The following ADRA1B variants were observed in gnomAD, a reference collection of about 807,000 sequenced individuals.
ADRA1B encodes the protein adrenoceptor alpha 1B.
A neutral mutation model predicts 17.9 loss-of-function variants in ADRA1B; 17 were observed. That is an observed-to-expected ratio of 0.95 (90% CI 0.65 to 1.42). The LOEUF is 1.42. ADRA1B is among the 40% of genes most tolerant of loss of function. The pLI is 0.00. For missense variants in ADRA1B, 681 were observed against 722.1 expected (o/e 0.94, Z 0.65); for synonymous variants, 366 against 327.6 (o/e 1.12, Z -1.27).
At chr5:159,974,943 C>G (rs557134442), downstream of ADRA1B, among the ~76,000 whole-genome samples, 13 of 152,222 alleles carry the variant, frequency 8.5e-5, no homozygotes, top group South Asian at 2.5e-3. Context: ...TGTCCAGTAC[C>G]TTTTACATTC....
intron 1 of ADRA1B, among the ~76,000 whole-genome samples, chr5:159,954,655 C>T (rs990270472): frequency 3.9e-5 from 6 of 152,252 alleles, no homozygotes; most frequent in South Asian, 2.1e-4. Flanking sequence ...CCCTGCCCTA[C>T]AACAGGAATC....
At chr5:159,952,641 G>T (rs757698829) in intron 1 of ADRA1B, among the ~76,000 whole-genome samples, 16 of 152,182 alleles carry the variant, frequency 1.1e-4, no homozygotes, top group Non-Finnish European at 1.9e-4. Context: ...GCAGTTAATT[G>T]CATCTCCCAC....
intron 1 of ADRA1B, among the ~76,000 whole-genome samples, chr5:159,909,682 A>T (rs756449492): frequency 1.3e-4 from 20 of 152,262 alleles, no homozygotes; most frequent in Non-Finnish European, 2.9e-5. Flanking sequence ...GAAGGCCGGC[A>T]TCAATTCACT....
intron 1 of ADRA1B, among the ~76,000 whole-genome samples, chr5:159,921,555 T>G (rs1754482669): frequency 6.6e-6 from 1 of 152,106 alleles, no homozygotes; most frequent in Non-Finnish European, 1.5e-5. Context: ...TAGCAGGAAG[T>G]GCTCCGCAGC....
intron 1 of ADRA1B, among the ~76,000 whole-genome samples, chr5:159,931,477 T>C (rs374331440): frequency 1.3e-5 from 2 of 152,032 alleles, no homozygotes; most frequent in East Asian, 1.9e-4. Context: ...TTCAAAATCA[T>C]GCTGTCAAGT....
the ADRA1B span, among the ~76,000 whole-genome samples, chr5:159,986,198 G>C: frequency 1.1e-4 from 17 of 152,130 alleles, no homozygotes; most frequent in Non-Finnish European, 1.5e-5. Flanking sequence ...TGGCTCAAGG[G>C]ATCCTCTCAC....
chr5:159,916,603 C>A lies in ADRA1B; in HGVS notation c.-303C>A. ...CGCCGGGCGCCCCCGGCCCTGCCGC[C>A]CCCTCCTCCCCGCCGCTCCCCCGCG... On this transcript the variant is annotated 5_prime_UTR_variant, in exon 1 of 2. Coordinates refer to ENST00000306675, the MANE Select transcript of ADRA1B (RefSeq NM_000679.4). 1 of 246,274 alleles carries A rather than the reference C, an allele frequency of 4.1e-6. No individual in the cohort carries two copies. The highest frequency in any genetic ancestry group is 1.3e-4 in the South Asian group (1 of 7,576). 15.3% of individuals were successfully genotyped at this position (246,274 alleles called of 1,614,324 possible). A position where few individuals can be genotyped will look rare whatever the true frequency, so the allele number is the denominator to read the frequency against.
chr5:159,912,356 A>G (rs1754235590), upstream of ADRA1B, among the ~76,000 whole-genome samples: 1 of 152,238 alleles, frequency 6.6e-6, no homozygotes, highest in Non-Finnish European at 1.5e-5. Context: ...GGGTCATAGT[A>G]AACATTAAAT....
At chr5:159,979,583 G>A in the ADRA1B span, among the ~76,000 whole-genome samples, 1 of 152,060 alleles carries the variant, frequency 6.6e-6, no homozygotes, top group African/African-American at 2.4e-5. Flanking sequence ...TAAAAGATGT[G>A]GCTGGCTGGG....
the ADRA1B span, among the ~76,000 whole-genome samples, chr5:159,978,131 A>C: frequency 1.3e-4 from 19 of 151,820 alleles, no homozygotes; most frequent in Non-Finnish European, 1.6e-4. Context: ...CTGTTTCCCC[A>C]CACACACACT....
rs188812076 is a variant in ADRA1B at position 159,873,772 on chromosome 5, C to T, written c.-256+8566C>T. ...TTCCATCTCTAGACAGTGTGCAGGC[C>T]TGTCCCCAGTGGAATTTTTCTGGTT... On this transcript the variant is annotated intron_variant, in intron 1 of 2. Transcript: ENST00000641205. 1.5e-3 allele frequency among the ~76,000 whole-genome samples: 234 copies of T among 152,270 alleles called. 9 individuals are homozygous for T. The highest frequency in any genetic ancestry group is 0.014 in the Admixed American group (219 of 15,298).
chr5:159,955,342 T>C (rs1755532216), intron 1 of ADRA1B: 1 of 230,968 alleles, frequency 4.3e-6, no homozygotes, highest in Non-Finnish European at 7.1e-6. Context: ...AACCTTAACC[T>C]GTCATATCAG....
intron 1 of ADRA1B, among the ~76,000 whole-genome samples, chr5:159,894,792 C>T (rs72808175): frequency 0.19 from 28,698 of 152,010 alleles, 3,460 homozygotes; most frequent in Non-Finnish European, 0.28. Context: ...GCTCTCTAGC[C>T]CCAGGAAGGT....
chr5:159,872,420 T>C (rs1753755817), intron 1 of ADRA1B, among the ~76,000 whole-genome samples: 1 of 152,298 alleles, frequency 6.6e-6, no homozygotes, highest in South Asian at 2.1e-4. Flanking sequence ...ATAAGATCCC[T>C]GTGATACAGA....
chr5:159,882,220 A>T (rs1409842428), intron 1 of ADRA1B, among the ~76,000 whole-genome samples: 1 of 152,168 alleles, frequency 6.6e-6, no homozygotes, highest in East Asian at 1.9e-4. Flanking sequence ...CTTACAGATC[A>T]TCTAGCCATG....
chr5:159,966,360 ACAAT>A (rs915714796), intron 1 of ADRA1B, among the ~76,000 whole-genome samples: 1 of 152,164 alleles, frequency 6.6e-6, no homozygotes, highest in African/African-American at 2.4e-5. Context: ...AATCCTCACA[ACAAT>A]CAGAGAGGTC....
In ADRA1B at chr5:159,919,106, A is replaced by G. The variant is rs145575618; in HGVS notation, c.949+1252A>G. Among the ~76,000 whole-genome samples the G allele has an allele frequency of 3.7e-4, 53 of 144,536 alleles. No homozygotes were observed. In the East Asian group the frequency reaches 8.7e-3, roughly 24 times the overall value. 94.8% of individuals were successfully genotyped at this position (144,536 alleles called of 152,430 possible). A position where few individuals can be genotyped will look rare whatever the true frequency, so the allele number is the denominator to read the frequency against. On this transcript the variant is annotated intron_variant, in intron 1 of 1. Transcript: ENST00000306675. ...GCAAACAGATATCGAGTTTCCATTT[A>G]AAAAGAAAGAAAAAGATTTTCAAAA... is the stretch of plus-strand genomic sequence containing the variant.
chr5:159,871,288 A>C (rs767506228), intron 1 of ADRA1B: 5 of 152,226 alleles, frequency 3.3e-5, no homozygotes, highest in Non-Finnish European at 7.3e-5. Context: ...CTATTCAGGA[A>C]ACAGCTCAGT....
chr5:159,918,758 T>G (rs1247920712), intron 1 of ADRA1B, among the ~76,000 whole-genome samples: 2 of 152,226 alleles, frequency 1.3e-5, no homozygotes, highest in African/African-American at 4.8e-5. Flanking sequence ...AAGGTCTGGT[T>G]AGCAGGTAAA....
Sources: gnomAD v4.1 joint callset for allele counts (sites outside exome capture counted in the v4.1 genomes callset) on GRCh38, gnomAD v4.1.1 for gene constraint, MANE v1.5 for transcripts, NCBI Gene and HGNC (gene_info 2026-07-23, HGNC 2026-07-21) for gene names.